The following NLGN1 variants were observed in gnomAD, a reference collection of about 807,000 sequenced individuals.
NLGN1 encodes the protein neuroligin 1, also known as neuroligin-1.
A neutral mutation model predicts 65.5 loss-of-function variants in NLGN1; 12 were observed. The ratio of observed to expected loss-of-function variants is 0.18; its 90% CI spans 0.12 to 0.30. The LOEUF is 0.30. NLGN1 is among the 10% of genes least tolerant of loss of function. NLGN1 has a pLI of 1.00. For synonymous variants in NLGN1, 350 were observed against 359.5 expected (o/e 0.97, Z 0.30); for missense variants, 750 against 1,007.1 (o/e 0.74, Z 3.46).
intron 4 of NLGN1, among the ~76,000 whole-genome samples, chr3:174,258,193 G>A (rs1003065201): frequency 6.6e-6 from 1 of 152,038 alleles, no homozygotes; most frequent in Admixed American, 6.6e-5. Context: ...ATAGGAACCA[G>A]CTTTGAGGGG....
intron 3 of NLGN1, among the ~76,000 whole-genome samples, chr3:173,766,909 A>G (rs1778863488): frequency 6.6e-6 from 1 of 152,190 alleles, no homozygotes; most frequent in African/African-American, 2.4e-5. Context: ...AATGATTATT[A>G]CAAAATTTTT....
intron 4 of NLGN1, among the ~76,000 whole-genome samples, chr3:174,257,902 T>TTATA (rs146056725): frequency 0.11 from 15,783 of 147,710 alleles, 1,494 homozygotes; most frequent in African/African-American, 0.25. Context: ...TTATATCTCC[T>TTATA]TATATATATA....
intron 4 of NLGN1, among the ~76,000 whole-genome samples, chr3:173,912,331 A>G (rs887966715): frequency 3.3e-5 from 5 of 152,168 alleles, no homozygotes; most frequent in African/African-American, 9.6e-5. Flanking sequence ...GTTCTATGAC[A>G]TAGAGGAGAA....
At chr3:173,764,624 A>C (rs1410376798) in intron 3 of NLGN1, among the ~76,000 whole-genome samples, 1 of 152,146 alleles carries the variant, frequency 6.6e-6, no homozygotes, top group East Asian at 1.9e-4. Context: ...TTTAATGCCA[A>C]ATTTCCATTA....
intron 4 of NLGN1, among the ~76,000 whole-genome samples, chr3:173,931,590 A>G (rs1364314181): frequency 2.0e-5 from 3 of 152,290 alleles, no homozygotes; most frequent in South Asian, 4.1e-4. Context: ...AGGAACAGCA[A>G]TAACTGAGGG....
At chr3:173,420,528 C>T (rs1054378933) in intron 1 of NLGN1, among the ~76,000 whole-genome samples, 1 of 152,128 alleles carries the variant, frequency 6.6e-6, no homozygotes, top group Non-Finnish European at 1.5e-5. Context: ...AATAGTGCCG[C>T]AATAAACATA....
At chr3:173,729,669 A>G (rs796536883) in intron 3 of NLGN1, among the ~76,000 whole-genome samples, 21 of 152,198 alleles carry the variant, frequency 1.4e-4, no homozygotes, top group African/African-American at 4.8e-4. Context: ...TGCTAAGTTT[A>G]ATTTTTACGG....
intron 4 of NLGN1, among the ~76,000 whole-genome samples, chr3:174,180,349 G>A (rs1393596242): frequency 2.6e-5 from 4 of 152,102 alleles, no homozygotes; most frequent in African/African-American, 7.2e-5. Context: ...CAATTTTAGT[G>A]TGAGACTGAC....
chr3:173,861,637 AAAT>A (rs1378914362), intron 4 of NLGN1, among the ~76,000 whole-genome samples: 2 of 151,698 alleles, frequency 1.3e-5, no homozygotes, highest in Non-Finnish European at 2.9e-5. Flanking sequence ...TAATATTTAC[AAAT>A]AATAATAAAA....
intron 2 of NLGN1, among the ~76,000 whole-genome samples, chr3:173,573,803 C>T (rs994471527): frequency 2.6e-5 from 4 of 151,414 alleles, no homozygotes; most frequent in African/African-American, 9.7e-5. Context: ...GTGGCTCACG[C>T]CTGTAATCCC....
chr3:174,200,436 A>G (rs1163238759), intron 4 of NLGN1, among the ~76,000 whole-genome samples: 2 of 152,180 alleles, frequency 1.3e-5, no homozygotes, highest in African/African-American at 2.4e-5. Flanking sequence ...TCATTTATAC[A>G]CCAAATGTAA....
intron 3 of NLGN1, chr3:173,644,486 G>T: frequency 6.2e-6 from 1 of 162,514 alleles, no homozygotes; most frequent in Non-Finnish European, 1.5e-5. Context: ...CTACTTGTGA[G>T]AGTTCGCCCC....
At chr3:174,167,483 T>C (rs553318753) in intron 4 of NLGN1, among the ~76,000 whole-genome samples, 1 of 152,236 alleles carries the variant, frequency 6.6e-6, no homozygotes, top group Admixed American at 6.5e-5. Flanking sequence ...TGGAATGTCT[T>C]TTCTTTTAGA....
At chr3:173,550,359 G>T (rs997845051) in intron 2 of NLGN1, among the ~76,000 whole-genome samples, 3 of 151,982 alleles carry the variant, frequency 2.0e-5, no homozygotes, top group Non-Finnish European at 4.4e-5. Flanking sequence ...CGGCACACAT[G>T]CATGTTGTCA....
At chr3:173,899,319 T>A (rs753412716) in intron 4 of NLGN1, among the ~76,000 whole-genome samples, 3 of 152,110 alleles carry the variant, frequency 2.0e-5, no homozygotes, top group African/African-American at 4.8e-5. Context: ...TAGTAAAAAA[T>A]TTTTCAGACT....
intron 3 of NLGN1, among the ~76,000 whole-genome samples, chr3:173,667,822 G>A (rs920817869): frequency 5.3e-5 from 8 of 151,956 alleles, no homozygotes; most frequent in South Asian, 2.1e-4. Flanking sequence ...TAGTAGAGTC[G>A]GGGTTTCACC....
intron 2 of NLGN1, among the ~76,000 whole-genome samples, chr3:173,498,896 G>A (rs985919537): frequency 6.6e-6 from 1 of 151,530 alleles, no homozygotes; most frequent in Non-Finnish European, 1.5e-5. Context: ...CTTTTTGATG[G>A]GGTTGTTTGT....
chr3:173,540,345 A>G (rs1738642134), intron 2 of NLGN1, among the ~76,000 whole-genome samples: 1 of 152,122 alleles, frequency 6.6e-6, no homozygotes, highest in Non-Finnish European at 1.5e-5. Flanking sequence ...GCCCCACTCA[A>G]AACTAGCAGC....
chr3:173,607,056 AAAT>A (rs1294084859), intron 3 of NLGN1, among the ~76,000 whole-genome samples: 1 of 152,006 alleles, frequency 6.6e-6, no homozygotes, highest in Non-Finnish European at 1.5e-5. Flanking sequence ...AGAGCATAAT[AAAT>A]AAAAACATGT....
Sources: gnomAD v4.1 joint callset for allele counts (sites outside exome capture counted in the v4.1 genomes callset) on GRCh38, gnomAD v4.1.1 for gene constraint, MANE v1.5 for transcripts, NCBI Gene and HGNC (gene_info 2026-07-23, HGNC 2026-07-21) for gene names.